The following GNAQ variants were observed in gnomAD, a reference collection of about 807,000 sequenced individuals.
GNAQ encodes G protein subunit alpha q, also known as guanine nucleotide-binding protein G(q) subunit alpha.
A neutral mutation model predicts 43.9 loss-of-function variants in GNAQ; 8 were observed. The ratio of observed to expected loss-of-function variants is 0.18; its 90% CI spans 0.11 to 0.33. GNAQ has a LOEUF of 0.33. GNAQ is among the 10% of genes least tolerant of loss of function. GNAQ has a pLI of 1.00. For missense variants in GNAQ, 158 were observed against 450.8 expected (o/e 0.35, Z 5.88); for synonymous variants, 155 against 170.7 (o/e 0.91, Z 0.71).
intron 5 of GNAQ, among the ~76,000 whole-genome samples, chr9:77,775,441 G>A (rs1404600722): frequency 4.5e-5 from 6 of 134,674 alleles, no homozygotes; most frequent in African/African-American, 1.1e-4. Context: ...ACAGAGTCTC[G>A]CTCTATCACC....
chr9:77,724,790 AT>A lies in GNAQ; in HGVS notation c.890-3278del, dbSNP rs1157098796. On this transcript the variant is annotated intron_variant, in intron 6 of 6. Transcript: ENST00000286548. ...TTTTGATGTAGGTGCCCAGAATTCA[AT>A]TTTTTTAATGACTAAGAGGGCTGGC... Among the ~76,000 whole-genome samples the A allele has an allele frequency of 1.1e-4, 16 of 152,298 alleles. No homozygotes were observed. The East Asian group carries it at 3.1e-3, about 29-fold the overall frequency.
intron 1 of GNAQ, among the ~76,000 whole-genome samples, chr9:78,029,303 A>C (rs1007692216): frequency 2.6e-5 from 4 of 152,108 alleles, no homozygotes; most frequent in Admixed American, 1.3e-4. Context: ...TAAAAAAAAA[A>C]CACAATTCTT....
chr9:77,724,546 A>G (rs539916093), intron 6 of GNAQ, among the ~76,000 whole-genome samples: 23 of 152,306 alleles, frequency 1.5e-4, no homozygotes, highest in African/African-American at 4.1e-4. Context: ...AGGGATAAAG[A>G]GATCTTGCAG....
At chr9:77,988,152 A>G (rs1228736033) in intron 1 of GNAQ, among the ~76,000 whole-genome samples, 1 of 152,246 alleles carries the variant, frequency 6.6e-6, no homozygotes, top group Non-Finnish European at 1.5e-5. Flanking sequence ...GAGGAGTAGA[A>G]GGAGATGATG....
At chr9:78,019,611 G>A (rs1434859701) in intron 1 of GNAQ, among the ~76,000 whole-genome samples, 1 of 151,958 alleles carries the variant, frequency 6.6e-6, no homozygotes, top group Non-Finnish European at 1.5e-5. Context: ...TTTGAATGTC[G>A]GTCATAATTA....
At chr9:78,001,602 A>G (rs915032040) in intron 1 of GNAQ, among the ~76,000 whole-genome samples, 1 of 150,368 alleles carries the variant, frequency 6.7e-6, no homozygotes, top group Non-Finnish European at 1.5e-5. Context: ...TTTTTTTTTA[A>G]GAAGTCATGG....
Position 77,742,421 on chromosome 9 carries a change from G to A in GNAQ, c.736-13754C>T, listed in dbSNP as rs572499731. 7.9e-5 allele frequency among the ~76,000 whole-genome samples: 12 copies of A among 152,252 alleles called. No homozygotes were observed. In the East Asian group the frequency reaches 2.1e-3, roughly 27 times the overall value. ...CTGAGAAATGGCTGTAAAGTGTTAAGGTTGAAGGTTTCAATATTTTGCCCC... is the reference window on the plus strand; with the variant it reads ...CTGAGAAATGGCTGTAAAGTGTTAAAGTTGAAGGTTTCAATATTTTGCCCC... On this transcript the variant is annotated intron_variant, in intron 5 of 6. Transcript: ENST00000286548.
At chr9:77,897,419 GA>G (rs1828521885) in intron 2 of GNAQ, among the ~76,000 whole-genome samples, 2 of 151,958 alleles carry the variant, frequency 1.3e-5, no homozygotes, top group Non-Finnish European at 2.9e-5. Context: ...ACTGTCTACA[GA>G]AAAAAAAGTG....
chr9:77,792,099 A>G (rs1826584300), intron 5 of GNAQ, among the ~76,000 whole-genome samples: 1 of 152,176 alleles, frequency 6.6e-6, no homozygotes. Flanking sequence ...CTAATTACAG[A>G]CAGTGATAGC....
In GNAQ at chr9:77,716,157, G is replaced by A. The variant is rs1431119144; in HGVS notation, c.*5166C>T. 5.1e-6 allele frequency: 1 copy of A among 196,258 alleles called. No individual in the cohort carries two copies. The highest frequency in any genetic ancestry group is 1.1e-5 in the Non-Finnish European group (1 of 94,906). The allele number at this position is 196,258 out of a possible 1,614,324, so 12.2% of individuals were successfully genotyped here. On this transcript the variant is annotated 3_prime_UTR_variant, in exon 7 of 7. Transcript: ENST00000286548. ...TTGGAAAATGCAATATGCACAAGGT[G>A]TGTTAAGGAAGGAAAGATGTATTTC...
rs182292433 is a variant in GNAQ, at chr9:77,750,789, C to G, written c.736-22122G>C. 2.2e-4 allele frequency among the ~76,000 whole-genome samples: 34 copies of G among 152,258 alleles called. 1 individual carries two copies. The highest frequency in any genetic ancestry group is 2.2e-3 in the Admixed American group (34 of 15,294). On this transcript the variant is annotated intron_variant, in intron 5 of 6. Transcript: ENST00000286548. ...ATTATACCAACCCTGACTGACTGAGCTTCTTGGAGCTCAACTCTGTATCAT... is the reference window on the plus strand; with the variant it reads ...ATTATACCAACCCTGACTGACTGAGGTTCTTGGAGCTCAACTCTGTATCAT...
At chr9:77,894,171 T>C (rs1002099085) in intron 2 of GNAQ, among the ~76,000 whole-genome samples, 2 of 151,574 alleles carry the variant, frequency 1.3e-5, no homozygotes, top group Admixed American at 6.6e-5. Context: ...GCCATGTCTT[T>C]CATGTTATTT....
intron 2 of GNAQ, among the ~76,000 whole-genome samples, chr9:77,876,326 C>G (rs1233166751): frequency 6.6e-6 from 1 of 152,180 alleles, no homozygotes; most frequent in South Asian, 2.1e-4. Context: ...CCTTGTCAGC[C>G]AGGCCTCGGT....
At chr9:77,986,651 G>A (rs557829235) in intron 1 of GNAQ, among the ~76,000 whole-genome samples, 5 of 152,000 alleles carry the variant, frequency 3.3e-5, no homozygotes, top group Admixed American at 3.3e-4. Flanking sequence ...GACTACAGGT[G>A]TGCATCAACA....
intron 2 of GNAQ, among the ~76,000 whole-genome samples, chr9:77,898,420 T>C (rs1828538202): frequency 6.6e-6 from 1 of 152,202 alleles, no homozygotes; most frequent in African/African-American, 2.4e-5. Context: ...ATTCAGAGTA[T>C]GCTATAGTTT....
chr9:77,791,600 C>T (rs1473564690), intron 5 of GNAQ, among the ~76,000 whole-genome samples: 1 of 152,076 alleles, frequency 6.6e-6, no homozygotes. Flanking sequence ...ATTCCCCAAA[C>T]AATAGAAAGG....
At chr9:77,897,037 A>C (rs1163470814) in intron 2 of GNAQ, among the ~76,000 whole-genome samples, 1 of 152,234 alleles carries the variant, frequency 6.6e-6, no homozygotes, top group Non-Finnish European at 1.5e-5. Context: ...AAACACACTT[A>C]AGTCCCATTT....
At chr9:77,808,469 T>C (rs945357686) in intron 3 of GNAQ, among the ~76,000 whole-genome samples, 1 of 151,524 alleles carries the variant, frequency 6.6e-6, no homozygotes, top group African/African-American at 2.4e-5. Context: ...TGTGTTATTA[T>C]TGACACTCTG....
At chr9:77,907,917 T>C (rs2118192731) in intron 2 of GNAQ, among the ~76,000 whole-genome samples, 2 of 152,274 alleles carry the variant, frequency 1.3e-5, no homozygotes, top group Middle Eastern at 3.4e-3. Flanking sequence ...ACATGTGTCC[T>C]AGGTGCCAAA....
Sources: allele counts gnomAD v4.1 joint callset (sites outside exome capture counted in the v4.1 genomes callset), GRCh38; gene constraint gnomAD v4.1.1; transcripts MANE v1.5; gene names NCBI Gene and HGNC (gene_info 2026-07-23, HGNC 2026-07-21).